Variants in WDR41 observed in about 807,000 individuals in gnomAD.
The protein encoded by WDR41 is WD repeat-containing protein 41.
Under a neutral mutation model 69.3 loss-of-function variants are expected in WDR41, and 63 were observed. The observed-to-expected ratio is 0.91, with a 90% confidence interval of 0.74 to 1.12. The LOEUF (loss-of-function observed/expected upper bound fraction) is 1.12, where lower values mean the gene tolerates loss of function less well. Ranked by LOEUF, WDR41 falls within the 50% of genes most tolerant of loss-of-function variation. The pLI is 0.00. For missense variants in WDR41, 543 were observed against 534.5 expected (o/e 1.02, Z -0.16); for synonymous variants, 185 against 192.1 (o/e 0.96, Z 0.31).
At chr5:77,459,200 G>A in intron 4 of WDR41, 76 bp from the exon 5 acceptor site, 1 of 1,080,624 alleles carries the variant, frequency 9.3e-7, no homozygotes, top group Non-Finnish European at 1.4e-6. Flanking sequence ...TAACAATTAA[G>A]CCACAAATGT....
At chr5:77,578,722 G>A (rs1021630749) in intron 1 of WDR41, among the ~76,000 whole-genome samples, 6 of 151,922 alleles carry the variant, frequency 3.9e-5, no homozygotes, top group African/African-American at 7.3e-5. Flanking sequence ...AAATTAGCCC[G>A]GCCTGGTGGT....
At chr5:77,485,085 T>G (rs780353214) in intron 2 of WDR41, among the ~76,000 whole-genome samples, 1 of 152,214 alleles carries the variant, frequency 6.6e-6, no homozygotes, top group African/African-American at 2.4e-5. Flanking sequence ...AGAAACTTTG[T>G]CACATCTGCA....
chr5:77,528,435 GC>G (rs1802480066), intron 1 of WDR41, among the ~76,000 whole-genome samples: 1 of 151,420 alleles, frequency 6.6e-6, no homozygotes, highest in Non-Finnish European at 1.5e-5. Context: ...GGCTTCCCAG[GC>G]TAATTCCACC....
chr5:77,493,648 A>G (rs1455299933), upstream of WDR41, among the ~76,000 whole-genome samples: 1 of 152,228 alleles, frequency 6.6e-6, no homozygotes, highest in Non-Finnish European at 1.5e-5. Flanking sequence ...TGCAGTCTGC[A>G]TACAGTTGAA....
intron 1 of WDR41, among the ~76,000 whole-genome samples, chr5:77,610,275 C>A (rs1462882740): frequency 1.3e-5 from 2 of 152,122 alleles, no homozygotes; most frequent in East Asian, 3.9e-4. Context: ...GCAAGGCAGG[C>A]CAATGTTCAG....
intron 1 of WDR41, among the ~76,000 whole-genome samples, chr5:77,527,461 A>C (rs1802466289): frequency 6.6e-6 from 1 of 151,960 alleles, no homozygotes; most frequent in Non-Finnish European, 1.5e-5. Flanking sequence ...ATAAATTTGT[A>C]GGCACTTAAT....
intron 1 of WDR41, among the ~76,000 whole-genome samples, chr5:77,538,882 T>C (rs1447895959): frequency 6.6e-6 from 1 of 152,224 alleles, no homozygotes; most frequent in Admixed American, 6.5e-5. Flanking sequence ...TCTTTTTCTA[T>C]ATTATTTCAC....
rs1363163634 is a variant in WDR41, at chr5:77,512,336, G to GAGAGAGAA, written c.43-22765_43-22764insTTCTCTCT. On this transcript the variant is annotated intron_variant, in intron 1 of 5. Coordinates refer to the WDR41 transcript ENST00000509971. ...CTGTAATTACATGGGGTGAGTGAGA[G>GAGAGAGAA]AGAGAGAGAGAGAGAGTGAGTGTGT... is the stretch of plus-strand genomic sequence containing the variant. Among the ~76,000 whole-genome samples the GAGAGAGAA allele has an allele frequency of 4.7e-4, 58 of 123,076 alleles. 1 individual carries two copies. The highest frequency in any genetic ancestry group is 1.1e-3 in the African/African-American group (34 of 29,750). The allele number at this position is 123,076 out of a possible 152,430, so 80.7% of individuals were successfully genotyped here.
chr5:77,514,785 T>C (rs1031559378), intron 1 of WDR41, among the ~76,000 whole-genome samples: 5 of 152,128 alleles, frequency 3.3e-5, no homozygotes, highest in African/African-American at 4.8e-5. Context: ...CCAGATAGCA[T>C]GTTACTCTAC....
intron 1 of WDR41, among the ~76,000 whole-genome samples, chr5:77,563,600 T>C (rs1743563872): frequency 6.6e-6 from 1 of 152,244 alleles, no homozygotes; most frequent in East Asian, 1.9e-4. Flanking sequence ...ACCAACTCAT[T>C]ACTGAGTGCT....
At chr5:77,612,337 C>T (rs907869474) in intron 1 of WDR41, among the ~76,000 whole-genome samples, 1 of 151,962 alleles carries the variant, frequency 6.6e-6, no homozygotes, top group African/African-American at 2.4e-5. Flanking sequence ...AGAGACACAA[C>T]CAAAAAAGAG....
chr5:77,589,793 C>G (rs1744104618), intron 1 of WDR41, among the ~76,000 whole-genome samples: 1 of 151,984 alleles, frequency 6.6e-6, no homozygotes, highest in Admixed American at 6.6e-5. Flanking sequence ...TTTATTTATT[C>G]CTTTCCAATC....
At chr5:77,554,491 A>G (rs1743355312) in intron 1 of WDR41, among the ~76,000 whole-genome samples, 1 of 152,116 alleles carries the variant, frequency 6.6e-6, no homozygotes, top group African/African-American at 2.4e-5. Context: ...GTGAGGACAC[A>G]ACTACAAAGT....
chr5:77,575,990 T>C (rs1274089739), intron 1 of WDR41, among the ~76,000 whole-genome samples: 1 of 152,178 alleles, frequency 6.6e-6, no homozygotes, highest in Non-Finnish European at 1.5e-5. Context: ...CAGTCGGTCA[T>C]ACAAGAATAA....
intron 12 of WDR41, among the ~76,000 whole-genome samples, chr5:77,435,456 G>C (rs911360453): frequency 2.6e-5 from 4 of 152,172 alleles, no homozygotes; most frequent in African/African-American, 4.8e-5. Context: ...ATCTCTCTCT[G>C]TAAACTCCAG....
At chr5:77,438,172 A>C (rs1222324767) in intron 10 of WDR41, 68 bp downstream of exon 10, 11 of 1,598,816 alleles carry the variant, frequency 6.9e-6, no homozygotes, top group African/African-American at 1.3e-5. Flanking sequence ...CCACTTGAGA[A>C]ATTACACTGG....
chr5:77,577,451 A>G (rs1743856022), intron 1 of WDR41, among the ~76,000 whole-genome samples: 1 of 152,196 alleles, frequency 6.6e-6, no homozygotes, highest in South Asian at 2.1e-4. Flanking sequence ...TTAATAAAAC[A>G]AAGAGAATCA....
chr5:77,470,233 G>T (rs1380632663), intron 2 of WDR41, among the ~76,000 whole-genome samples: 1 of 152,114 alleles, frequency 6.6e-6, no homozygotes, highest in African/African-American at 2.4e-5. Flanking sequence ...AATGCTGAGA[G>T]ATTTTGTCAC....
At chr5:77,610,203 G>A (rs1288533881) in intron 1 of WDR41, among the ~76,000 whole-genome samples, 1 of 152,202 alleles carries the variant, frequency 6.6e-6, no homozygotes, top group African/African-American at 2.4e-5. Context: ...AAAGTTATGG[G>A]GAGAATGGAA....
Sources: allele counts gnomAD v4.1 joint callset (sites outside exome capture counted in the v4.1 genomes callset), GRCh38; gene constraint gnomAD v4.1.1; transcripts MANE v1.5; gene names NCBI Gene and HGNC (gene_info 2026-07-23, HGNC 2026-07-21).